Variants in DLGAP2 observed in about 807,000 individuals in gnomAD.
DLGAP2 encodes the protein DLG associated protein 2.
A neutral mutation model predicts 100.3 loss-of-function variants in DLGAP2; 26 were observed. That is an observed-to-expected ratio of 0.26 (90% confidence interval 0.19 to 0.36). The LOEUF is 0.36. Among genes scored for constraint, DLGAP2 ranks in the 10% least tolerant of loss-of-function variants. DLGAP2 has a pLI of 1.00. For missense variants in DLGAP2, 1,858 were observed against 1,453.2 expected, an observed-to-expected ratio of 1.28 and a Z score of -4.53; for synonymous variants, 886 against 630.1, an observed-to-expected ratio of 1.41 and a Z score of -6.08.
At chr8:805,969 G>T (rs1266677235) in intron 1 of DLGAP2, among the ~76,000 whole-genome samples, 1 of 152,240 alleles carries the variant, frequency 6.6e-6, no homozygotes, top group Non-Finnish European at 1.5e-5. Context: ...GTGAGTTCCT[G>T]CTGGGTTTCC....
rs139521254 is a variant in DLGAP2, at chr8:1,547,418, G to A, written c.173-1208G>A. On this transcript the variant is annotated intron_variant, in intron 4 of 14. Transcript: ENST00000637795. The stretch of plus-strand genomic sequence containing the variant: ...CAGCTGTGTCTGGGTGGAGGCAGGG[G>A]GAGAGGGAGAGAGAGGAGGAGGCCA... Among the ~76,000 whole-genome samples the A allele has an allele frequency of 2.0e-3, 303 of 152,186 alleles. 1 individual carries two copies. The highest frequency in any genetic ancestry group is 0.01 in the Middle Eastern group (3 of 294).
At chr8:783,630 G>A (rs888660109) in intron 1 of DLGAP2, among the ~76,000 whole-genome samples, 1 of 151,752 alleles carries the variant, frequency 6.6e-6, no homozygotes, top group African/African-American at 2.4e-5. Flanking sequence ...GTTTACGGGT[G>A]CCTTTCCCTA....
chr8:1,041,745 G>A (rs989060108), intron 2 of DLGAP2, among the ~76,000 whole-genome samples: 1 of 142,744 alleles, frequency 7.0e-6, no homozygotes, highest in Non-Finnish European at 1.5e-5. Context: ...CCGTGGGTGA[G>A]TGTTCTCCGA....
At chr8:1,008,990 C>A (rs1801201030) in intron 2 of DLGAP2, among the ~76,000 whole-genome samples, 1 of 152,248 alleles carries the variant, frequency 6.6e-6, no homozygotes, top group African/African-American at 2.4e-5. Context: ...CATGGCCAGA[C>A]CCTTCCTCGC....
chr8:1,151,510 G>A (rs1296518056), intron 2 of DLGAP2, among the ~76,000 whole-genome samples: 1 of 152,168 alleles, frequency 6.6e-6, no homozygotes, highest in Non-Finnish European at 1.5e-5. Context: ...ATCTTAGTAA[G>A]GCTTGTTTGC....
At position 787,781 on chromosome 8, in the gene DLGAP2, C is replaced by T. The variant is rs1000376901; in HGVS notation, c.18+49956C>T. On this transcript the variant is annotated intron_variant, in intron 1 of 14. Transcript: ENST00000637795. ...TTCATCTTCCTGGAGTGTATTTGCA[C>T]AGTGCCTCTACACTGGTGGTGCTGT... Among the ~76,000 whole-genome samples the T allele has an allele frequency of 3.9e-5, 6 of 152,230 alleles. No individual in the cohort carries two copies. The East Asian group carries it at 9.6e-4, about 24-fold the overall frequency.
At chr8:1,555,197 G>T (rs964029810) in intron 5 of DLGAP2, among the ~76,000 whole-genome samples, 1 of 152,176 alleles carries the variant, frequency 6.6e-6, no homozygotes, top group African/African-American at 2.4e-5. Context: ...TCTGGACACA[G>T]ACGCACAACC....
chr8:1,107,943 G>A (rs1365113055), intron 2 of DLGAP2, among the ~76,000 whole-genome samples: 1 of 152,188 alleles, frequency 6.6e-6, no homozygotes, highest in Non-Finnish European at 1.5e-5. Flanking sequence ...ACGTAACCCT[G>A]GGTTGTGGAC....
intron 2 of DLGAP2, among the ~76,000 whole-genome samples, chr8:954,057 A>T (rs945306776): frequency 6.6e-6 from 1 of 152,178 alleles, no homozygotes; most frequent in African/African-American, 2.4e-5. Flanking sequence ...CTGTTAGGCA[A>T]CCCTCATCAT....
intron 2 of DLGAP2, among the ~76,000 whole-genome samples, chr8:1,007,374 G>T (rs1251996096): frequency 6.6e-6 from 1 of 152,202 alleles, no homozygotes; most frequent in East Asian, 1.9e-4. Context: ...AACCAAGGGG[G>T]AGTGAAGCAG....
At chr8:741,187 CTT>C (rs1203165246) in intron 1 of DLGAP2, among the ~76,000 whole-genome samples, 1 of 152,196 alleles carries the variant, frequency 6.6e-6, no homozygotes, top group African/African-American at 2.4e-5. Flanking sequence ...TGACAAAAGA[CTT>C]TAATTTCTAG....
rs1335228588 is a variant in DLGAP2 at position 1,417,691 on chromosome 8, G to A, written c.107-83675G>A. Among the ~76,000 whole-genome samples the A allele has an allele frequency of 2.8e-4, 40 of 145,050 alleles. 1 individual carries two copies. Among genetic ancestry groups the A allele is most frequent in the African/African-American group, 1.0e-3 (37 of 36,562 alleles). On this transcript the variant is annotated intron_variant, in intron 3 of 14. Transcript: ENST00000637795. ...TCCGCGAGGCTCCAGGGGGGCACAG[G>A]GGGCCCCACTCCTGCCTCACTCGGC...
At chr8:1,012,626 C>T (rs1372971902) in intron 2 of DLGAP2, among the ~76,000 whole-genome samples, 34 of 122,362 alleles carry the variant, frequency 2.8e-4, no homozygotes, top group Middle Eastern at 4.2e-3. Flanking sequence ...CCGACTTCAG[C>T]GGCAGTGTGG....
chr8:1,458,003 T>TATATATATATATAC (rs1563161329), intron 3 of DLGAP2, among the ~76,000 whole-genome samples: 1 of 108,420 alleles, frequency 9.2e-6, no homozygotes, highest in African/African-American at 3.2e-5. Context: ...TATATATATA[T>TATATATATATATAC]ATATATATAT....
intron 2 of DLGAP2, among the ~76,000 whole-genome samples, chr8:1,084,662 G>A (rs956405042): frequency 3.3e-5 from 5 of 152,186 alleles, no homozygotes; most frequent in East Asian, 1.9e-4. Flanking sequence ...TTCAGTTAGC[G>A]TGATATCCTC....
At chr8:1,260,426 C>G (rs1799322507) in intron 3 of DLGAP2, among the ~76,000 whole-genome samples, 2 of 152,146 alleles carry the variant, frequency 1.3e-5, no homozygotes, top group African/African-American at 4.8e-5. Flanking sequence ...AAATGTCTGC[C>G]TCTGCCAAGG....
chr8:910,439 T>C (rs544514953), intron 2 of DLGAP2: 1 of 152,372 alleles, frequency 6.6e-6, no homozygotes, highest in African/African-American at 2.4e-5. Flanking sequence ...CCATACGGTC[T>C]TGTTCAGCTG....
chr8:1,284,426 G>A (rs891771134), intron 3 of DLGAP2, among the ~76,000 whole-genome samples: 1 of 152,120 alleles, frequency 6.6e-6, no homozygotes, highest in Non-Finnish European at 1.5e-5. Context: ...GTGAGAGTGT[G>A]CAGGTGTGTG....
chr8:1,306,205 C>T (rs190332595), intron 3 of DLGAP2, among the ~76,000 whole-genome samples: 1 of 151,808 alleles, frequency 6.6e-6, no homozygotes, highest in Non-Finnish European at 1.5e-5. Context: ...CCCACCCACA[C>T]ACACCTACAC....
Sources: allele counts gnomAD v4.1 joint callset (sites outside exome capture counted in the v4.1 genomes callset), GRCh38; gene constraint gnomAD v4.1.1; transcripts MANE v1.5; gene names NCBI Gene and HGNC (gene_info 2026-07-23, HGNC 2026-07-21).